The following ZNF875 variants were observed in gnomAD, a reference collection of about 807,000 sequenced individuals.
The protein encoded by ZNF875 is zinc finger protein 875, also known as HKR1, GLI-Kruppel zinc finger family member.
In ZNF875, 14 loss-of-function variants were observed where a neutral mutation model predicts 11.2. The observed-to-expected ratio is 1.26, with a 90% CI of 0.83 to 1.96. ZNF875 has a LOEUF of 1.96. Among genes scored for constraint, ZNF875 ranks in the 30% most tolerant of loss-of-function variants. The pLI, the probability that ZNF875 is intolerant of heterozygous loss-of-function variation, is 0.00. For synonymous variants in ZNF875, 301 were observed against 281.1 expected (o/e 1.07, Z -0.71); for missense variants, 752 against 760.4 (o/e 0.99, Z 0.13).
chr19:37,354,829 C>G (rs944908956), intron 4 of ZNF875, among the ~76,000 whole-genome samples: 2 of 152,186 alleles, frequency 1.3e-5, no homozygotes, highest in African/African-American at 4.8e-5. Context: ...TGTTTGGCCT[C>G]TTTGCATGCA....
chr19:37,323,392 G>A (rs904181510), intron 2 of ZNF875: 1 of 152,132 alleles, frequency 6.6e-6, no homozygotes, highest in Non-Finnish European at 1.5e-5. Context: ...CTGACCTCAG[G>A]TGATCCGCCC....
chr19:37,344,463 T>C (rs2036378297), intron 2 of ZNF875: 1 of 493,746 alleles, frequency 2.0e-6, no homozygotes, highest in African/African-American at 2.0e-5. Flanking sequence ...TTTTGGGTAA[T>C]CTGTGCCCAT....
Position 37,363,701 on chromosome 19 carries a change from A to G in ZNF875, c.1849A>G (p.Ile617Val). The change falls in exon 5 of 5, where the codon ATT (isoleucine) becomes GTT (valine). Residue 617 changes from isoleucine (I) to valine (V), a missense_variant. Ile to Val is a conservative substitution (Grantham distance 29). Transcript: ENST00000392153. ...GACACATTCAGGAGAGAAGCCTTAT[A>G]TTTGCAGAAAGTGTGGACGGGGCTT... ...QRTHSGEKPY[I>V]CRKCGRGFSR... 2 of 1,613,360 alleles carry G rather than the reference A, an allele frequency of 1.2e-6. No homozygotes were observed. The highest frequency in any genetic ancestry group is 1.7e-6 in the Non-Finnish European group (2 of 1,179,570).
intron 4 of ZNF875, among the ~76,000 whole-genome samples, chr19:37,325,331 G>A (rs1267655989): frequency 2.6e-5 from 4 of 152,012 alleles, no homozygotes; most frequent in African/African-American, 9.7e-5. Context: ...TGGTTCTCAT[G>A]TTTCTGCCTC....
chr19:37,328,197 C>T (rs1448012262), intron 4 of ZNF875, among the ~76,000 whole-genome samples: 1 of 152,032 alleles, frequency 6.6e-6, no homozygotes. Context: ...CAAGATCGCA[C>T]CATTGCACTC....
intron 1 of ZNF875, among the ~76,000 whole-genome samples, chr19:37,321,933 C>T (rs1018852731): frequency 6.6e-6 from 1 of 152,132 alleles, no homozygotes; most frequent in African/African-American, 2.4e-5. Flanking sequence ...TAATTGGTCT[C>T]CTTTGAAATT....
At chr19:37,344,546 T>A in intron 2 of ZNF875, 1 of 716,524 alleles carries the variant, frequency 1.4e-6, no homozygotes, top group East Asian at 2.6e-5. Flanking sequence ...TTTGCTAGAA[T>A]CCTACGGTAA....
Position 37,363,094 on chromosome 19 carries a change from GAC to G in ZNF875, c.1250_1251del (p.Thr417ArgfsTer15), listed in dbSNP as rs752186855. Reference sequence around the variant, plus strand: ...AGTCACACCTCATCAGACACTTAAGGACACACACAGGAGAGAAGCCTTATGTA... The same window carrying G: ...AGTCACACCTCATCAGACACTTAAGGACACACAGGAGAGAAGCCTTATGTA... ...QKSHLIRHLR[T>X]HTGEKPYVCT... On this transcript the variant is annotated frameshift_variant, in exon 5 of 5. Coordinates refer to ENST00000392153, the MANE Select transcript of ZNF875 (RefSeq NM_001353803.2). LOFTEE classifies it low-confidence loss of function (END_TRUNC). 1.2e-6 allele frequency: 2 copies of G among 1,613,958 alleles called. No homozygotes were observed. The highest frequency in any genetic ancestry group is 1.7e-6 in the Non-Finnish European group (2 of 1,179,998).
Position 37,363,598 on chromosome 19 carries a change from C to CGCAGGGGGGAAGCCTCATGTGT in ZNF875, c.1753_1774dup (p.Glu592GlyfsTer14), listed in dbSNP as rs764749526. The CGCAGGGGGGAAGCCTCATGTGT allele has an allele frequency of 6.2e-7, 1 of 1,612,674 alleles. No homozygotes were observed. The highest frequency in any genetic ancestry group is 8.5e-7 in the Non-Finnish European group (1 of 1,179,640). ...CTCTCATTAAACACCAGAGAGCACA[C>CGCAGGGGGGAAGCCTCATGTGT]GCAGGGGGGAAGCCTCATGTGTGCA... On this transcript the variant is annotated frameshift_variant, in exon 5 of 5. Transcript: ENST00000392153. LOFTEE classifies it low-confidence loss of function (END_TRUNC).
chr19:37,350,702 T>G (rs2037711091), intron 4 of ZNF875, among the ~76,000 whole-genome samples: 1 of 151,980 alleles, frequency 6.6e-6, no homozygotes, highest in Non-Finnish European at 1.5e-5. Context: ...TGTAGAACTC[T>G]TCTATCACTA....
At chr19:37,313,299 C>A (rs1001819452), upstream of ZNF875, 5 of 152,272 alleles carry the variant, frequency 3.3e-5, no homozygotes, top group Admixed American at 3.3e-4. Flanking sequence ...AAGAGCCTCT[C>A]CAGCCAGAAC....
intron 2 of ZNF875, chr19:37,346,904 C>T (rs375525040): frequency 1.8e-5 from 5 of 283,152 alleles, no homozygotes; most frequent in Non-Finnish European, 3.4e-5. Flanking sequence ...GCTCTTGTTG[C>T]CCAGGCTGGA....
intron 4 of ZNF875, chr19:37,357,970 G>A: frequency 2.5e-6 from 1 of 398,328 alleles, no homozygotes; most frequent in Non-Finnish European, 4.4e-6. Context: ...AGGGGGAATG[G>A]TTTCAGCTTT....
chr19:37,319,123 T>C (rs1455641831), intron 1 of ZNF875, among the ~76,000 whole-genome samples: 1 of 151,160 alleles, frequency 6.6e-6, no homozygotes, highest in Non-Finnish European at 1.5e-5. Context: ...CTTGGCTCAC[T>C]GCAACCTCCG....
At chr19:37,312,865 C>G (rs929638980) in exon 1 of ZNF875, 1 of 151,798 alleles carries the variant, frequency 6.6e-6, no homozygotes, top group Admixed American at 6.6e-5. Flanking sequence ...CCTCTCACAG[C>G]CCGGAGGCAC....
chr19:37,321,524 G>A (rs1437762189), intron 1 of ZNF875, among the ~76,000 whole-genome samples: 1 of 152,144 alleles, frequency 6.6e-6, no homozygotes, highest in Admixed American at 6.5e-5. Context: ...GGAACTCAGA[G>A]ACCAGTGCCA....
At chr19:37,344,824 C>A (rs2036462730) in intron 2 of ZNF875, 2 of 1,156,506 alleles carry the variant, frequency 1.7e-6, no homozygotes, top group Non-Finnish European at 2.6e-6. Flanking sequence ...GATGTAGCTC[C>A]TTCGTGGGAG....
chr19:37,361,452 TCTCCTC>T (rs1188126369), intron 4 of ZNF875, among the ~76,000 whole-genome samples: 5 of 152,126 alleles, frequency 3.3e-5, no homozygotes, highest in South Asian at 2.1e-4. Context: ...TCCTTTTCCT[TCTCCTC>T]CTCCTCCTCC....
intron 4 of ZNF875, among the ~76,000 whole-genome samples, chr19:37,352,877 T>G (rs2038174313): frequency 7.9e-6 from 1 of 126,048 alleles, no homozygotes; most frequent in Admixed American, 7.8e-5. Context: ...CTTTTTTCTT[T>G]TTTTTTTTTT....
Sources: gnomAD v4.1 joint callset for allele counts (sites outside exome capture counted in the v4.1 genomes callset) on GRCh38, gnomAD v4.1.1 for gene constraint, MANE v1.5 for transcripts, NCBI Gene and HGNC (gene_info 2026-07-23, HGNC 2026-07-21) for gene names.